The following CLHC1 variants were observed in gnomAD, a reference collection of about 807,000 sequenced individuals.
CLHC1 encodes clathrin heavy chain linker domain-containing protein 1.
In CLHC1, 72 loss-of-function variants were observed where a neutral mutation model predicts 69.5. That is an observed-to-expected ratio of 1.04 (90% CI 0.86 to 1.26). The LOEUF is 1.26. CLHC1 is among the 50% of genes most tolerant of loss of function. The pLI is 0.00. For synonymous variants in CLHC1, 223 were observed against 224.3 expected (o/e 0.99, Z 0.05); for missense variants, 790 against 679.3 (o/e 1.16, Z -1.81).
chr2:55,207,656 T>C (rs1672577521), intron 8 of CLHC1, among the ~76,000 whole-genome samples: 1 of 152,134 alleles, frequency 6.6e-6, no homozygotes, highest in Admixed American at 6.6e-5. Flanking sequence ...GAATATAGTC[T>C]TACTATGTAT....
chr2:55,231,666 G>T (rs1455639120), intron 1 of CLHC1, among the ~76,000 whole-genome samples: 1 of 152,178 alleles, frequency 6.6e-6, no homozygotes, highest in Non-Finnish European at 1.5e-5. Flanking sequence ...CTGGTTTGTG[G>T]AGTGGAGAAA....
chr2:55,213,047 T>G (rs1193855819), intron 4 of CLHC1, among the ~76,000 whole-genome samples: 1 of 152,336 alleles, frequency 6.6e-6, no homozygotes, highest in Non-Finnish European at 1.5e-5. Context: ...CACAATAATA[T>G]GGCCACAAAC....
At chr2:55,212,914 A>G (rs1673153698) in intron 4 of CLHC1, 108 bp from the exon 5 acceptor site, 2 of 820,592 alleles carry the variant, frequency 2.4e-6, no homozygotes, top group East Asian at 5.3e-5. Context: ...ACCATTATGG[A>G]CTAGGTGAAA....
intron 9 of CLHC1, 86 bp from the exon 10 acceptor site, chr2:55,181,830 T>A (rs1669968806): frequency 9.8e-7 from 1 of 1,024,236 alleles, no homozygotes; most frequent in Non-Finnish European, 1.4e-6. Context: ...TTTGTGCCTT[T>A]GCTTTTCTAA....
Position 55,173,947 on chromosome 2 carries a change from T to A in CLHC1, c.*1843A>T, listed in dbSNP as rs1669164943. On this transcript the variant is annotated 3_prime_UTR_variant, in exon 13 of 13. Transcript: ENST00000401408. ...TATCCTCCTGGCTTTCATGAAGACA[T>A]TTTTTTTTCTAAGCTCTGTCAATGG... Among the ~76,000 whole-genome samples the A allele has an allele frequency of 6.7e-6, 1 of 150,194 alleles. No individual in the cohort carries two copies. Among genetic ancestry groups the A allele is most frequent in the African/African-American group, 2.5e-5 (1 of 40,744 alleles).
Position 55,217,904 on chromosome 2 carries a change from G to T in CLHC1, c.272C>A (p.Thr91Asn), listed in dbSNP as rs371988994. Residue 91 changes from threonine to asparagine, a missense_variant, in exon 4 of 13, where the codon ACT (threonine) becomes AAT (asparagine). By Grantham distance (65) the Thr-to-Asn change is moderately conservative. Coordinates refer to ENST00000401408, the MANE Select transcript of CLHC1 (RefSeq NM_152385.4). ...AAGTTTTCCATGAAGACAAAATGTA[G>T]TTCTTCGGTCTTTCTTTATTGTCTC... ...FIETIKKDRR[T>N]TFCLHGKLKG... is the part of the protein sequence containing the mutation. 7 of 1,603,364 alleles carry T rather than the reference G, an allele frequency of 4.4e-6. No individual in the cohort carries two copies. Among genetic ancestry groups the T allele is most frequent in the Non-Finnish European group, 5.1e-6 (6 of 1,174,808 alleles).
At chr2:55,220,663 A>T (rs1674024256) in intron 3 of CLHC1, among the ~76,000 whole-genome samples, 1 of 152,234 alleles carries the variant, frequency 6.6e-6, no homozygotes, top group Non-Finnish European at 1.5e-5. Context: ...ATATTAATGT[A>T]AAGCAGAGAG....
rs775004175 is a variant in CLHC1, at chr2:55,208,634, G to A, written c.891C>T (p.Tyr297=). 6.3e-7 allele frequency: 1 copy of A among 1,598,022 alleles called. No homozygotes were observed. Among genetic ancestry groups the A allele is most frequent in the South Asian group, 1.1e-5 (1 of 90,474 alleles). The change falls in exon 8 of 13, where the codon TAC becomes TAT. Residue 297 remains tyrosine, a synonymous_variant. Transcript: ENST00000401408. ...GCTTTTAAAATATTTGCCTTTCAAT[G>A]TAGTGAAGCATAATTTCAGCTTCTT... ...RAKEAEIMLH[Y]IERFNELISL...
In CLHC1 at chr2:55,192,887, AC is replaced by A. The variant is rs1205841460; in HGVS notation, c.1007-11144del. ...AAGAAAACAGGAGTAGATCTCTGTG[AC>A]TTTTTTTTTTTTTTTTTTTTGAGAT... On this transcript the variant is annotated intron_variant, in intron 9 of 12. Transcript: ENST00000401408. 4.5e-5 allele frequency among the ~76,000 whole-genome samples: 6 copies of A among 134,088 alleles called. No individual in the cohort carries two copies. In the East Asian group the frequency reaches 1.3e-3, roughly 29 times the overall value. 88.0% of individuals were successfully genotyped at this position (134,088 alleles called of 152,430 possible).
Position 55,209,747 on chromosome 2 carries a change from T to A in CLHC1, c.584A>T (p.Gln195Leu). Residue 195 changes from glutamine to leucine, a missense_variant, in exon 6 of 13, where the codon CAA becomes CTA. Physicochemically the swap from Gln to Leu is moderately radical, Grantham distance 113. Transcript: ENST00000401408. Reference sequence around the variant, plus strand: ...TGGCACATATTTTATCAACATAGCTTGTTTAATTTCTGCATATTTATCTTC... The same window carrying A: ...TGGCACATATTTTATCAACATAGCTAGTTTAATTTCTGCATATTTATCTTC... ...HLEDKYAEIK[Q>L]AMLIKYVPAQ... The A allele has an allele frequency of 1.2e-6, 2 of 1,612,340 alleles. No homozygotes were observed. Among genetic ancestry groups the A allele is most frequent in the Non-Finnish European group, 1.7e-6 (2 of 1,178,578 alleles).
At chr2:55,213,531 A>G (rs953977996) in intron 4 of CLHC1, among the ~76,000 whole-genome samples, 1 of 152,200 alleles carries the variant, frequency 6.6e-6, no homozygotes, top group Non-Finnish European at 1.5e-5. Flanking sequence ...GATGTCTTTG[A>G]AAAACTTTAT....
intron 9 of CLHC1, among the ~76,000 whole-genome samples, chr2:55,185,007 T>C (rs1159021312): frequency 6.7e-6 from 1 of 148,280 alleles, no homozygotes; most frequent in Non-Finnish European, 1.5e-5. Flanking sequence ...TCACGACAAT[T>C]CAATTAGACT....
At chr2:55,221,359 C>T (rs187651501) in intron 3 of CLHC1, among the ~76,000 whole-genome samples, 3 of 152,176 alleles carry the variant, frequency 2.0e-5, no homozygotes, top group Admixed American at 6.5e-5. Context: ...TTTCTAAAAC[C>T]GTAAAAAGCA....
At chr2:55,186,677 A>G (rs962965212) in intron 9 of CLHC1, among the ~76,000 whole-genome samples, 2 of 152,056 alleles carry the variant, frequency 1.3e-5, no homozygotes, top group African/African-American at 4.8e-5. Flanking sequence ...TGGGAGGCTG[A>G]GGTGGGAGGA....
At chr2:55,207,839 C>A (rs563804899) in intron 8 of CLHC1, among the ~76,000 whole-genome samples, 1 of 152,144 alleles carries the variant, frequency 6.6e-6, no homozygotes, top group South Asian at 2.1e-4. Flanking sequence ...TAATTTCTTG[C>A]TAAGTTGGTA....
At chr2:55,217,595 A>G (rs1176516458) in intron 4 of CLHC1, among the ~76,000 whole-genome samples, 1 of 133,984 alleles carries the variant, frequency 7.5e-6, no homozygotes, top group East Asian at 2.1e-4. Context: ...ACTAAGAGGT[A>G]CTATAAACGT....
chr2:55,218,907 A>C (rs1296109288), intron 3 of CLHC1, among the ~76,000 whole-genome samples: 1 of 152,198 alleles, frequency 6.6e-6, no homozygotes, highest in African/African-American at 2.4e-5. Flanking sequence ...CTACATCTCT[A>C]GCCTCTGGTA....
chr2:55,192,486 C>T (rs1671027796), intron 9 of CLHC1, among the ~76,000 whole-genome samples: 1 of 152,074 alleles, frequency 6.6e-6, no homozygotes, highest in Admixed American at 6.6e-5. Flanking sequence ...TATATGAAGA[C>T]ACTAATAGAT....
At chr2:55,200,278 A>C (rs990954510) in intron 9 of CLHC1, among the ~76,000 whole-genome samples, 2 of 148,928 alleles carry the variant, frequency 1.3e-5, no homozygotes, top group Non-Finnish European at 3.0e-5. Flanking sequence ...AAAAGACCCA[A>C]TGATCTGTTG....
Sources: gnomAD v4.1 joint callset for allele counts (sites outside exome capture counted in the v4.1 genomes callset) on GRCh38, gnomAD v4.1.1 for gene constraint, MANE v1.5 for transcripts, NCBI Gene and HGNC (gene_info 2026-07-23, HGNC 2026-07-21) for gene names.